Variants in MCC observed in about 807,000 individuals in gnomAD.
MCC encodes the protein colorectal mutant cancer protein.
A neutral mutation model predicts 116.2 loss-of-function variants in MCC; 90 were observed. The ratio of observed to expected loss-of-function variants is 0.77; its 90% confidence interval spans 0.65 to 0.92. The LOEUF (loss-of-function observed/expected upper bound fraction) is 0.92, where lower values mean the gene tolerates loss of function less well. Ranked by LOEUF, MCC falls within the 40% of genes least tolerant of loss-of-function variation. The probability of loss-of-function intolerance (pLI) is 0.00; values close to 1 mark genes in which losing one functional copy is unlikely to be tolerated. For missense variants in MCC, 1,516 were observed against 1,312.2 expected, an observed-to-expected ratio of 1.16 and a Z score of -2.40; for synonymous variants, 578 against 510.5, an observed-to-expected ratio of 1.13 and a Z score of -1.78.
intron 2 of MCC, among the ~76,000 whole-genome samples, chr5:113,360,534 C>T (rs1462896782): frequency 6.6e-6 from 1 of 152,172 alleles, no homozygotes; most frequent in African/African-American, 2.4e-5. Context: ...AGGTAGACGT[C>T]ACCAGTGAAG....
rs371117397 is a variant in MCC at position 113,488,440 on chromosome 5, G to A, written c.-26C>T. ...GCGCCCGCTCCCTACTTGGGAGGAG[G>A]AGTACGCGCGACCGCAGCTGGAATC... On this transcript the variant is annotated 5_prime_UTR_variant, in exon 1 of 19. Transcript: ENST00000408903. The A allele has an allele frequency of 2.4e-5, 34 of 1,392,206 alleles. No homozygotes were observed. The highest frequency in any genetic ancestry group is 2.9e-5 in the East Asian group (1 of 34,322). The allele number at this position is 1,392,206 out of a possible 1,614,324, so 86.2% of individuals were successfully genotyped here. A position where few individuals can be genotyped will look rare whatever the true frequency, so the allele number is the denominator to read the frequency against.
chr5:113,198,272 T>C (rs1359263964), intron 3 of MCC, among the ~76,000 whole-genome samples: 2 of 152,208 alleles, frequency 1.3e-5, no homozygotes, highest in African/African-American at 4.8e-5. Context: ...TTTGAGTCCT[T>C]CTTCCCCTAC....
At chr5:113,247,136 A>C (rs1191493921) in intron 3 of MCC, among the ~76,000 whole-genome samples, 1 of 152,236 alleles carries the variant, frequency 6.6e-6, no homozygotes, top group East Asian at 1.9e-4. Flanking sequence ...AGTAGTTTAC[A>C]CATATGGAGG....
chr5:113,261,706 T>A (rs558408133), intron 3 of MCC, among the ~76,000 whole-genome samples: 1 of 152,238 alleles, frequency 6.6e-6, no homozygotes, highest in South Asian at 2.1e-4. Flanking sequence ...ACATCCTATT[T>A]GACTACAATC....
intron 3 of MCC, among the ~76,000 whole-genome samples, chr5:113,315,449 A>T (rs1463826232): frequency 1.3e-5 from 2 of 152,228 alleles, no homozygotes; most frequent in African/African-American, 2.4e-5. Context: ...TGACAATTTT[A>T]AATAGTTCAA....
chr5:113,363,389 A>G (rs894913221), intron 2 of MCC, among the ~76,000 whole-genome samples: 2 of 152,364 alleles, frequency 1.3e-5, no homozygotes, highest in Non-Finnish European at 2.9e-5. Flanking sequence ...TGATGCCAGT[A>G]TCCACTTGGC....
intron 1 of MCC, among the ~76,000 whole-genome samples, chr5:113,389,202 G>T (rs973934100): frequency 1.3e-5 from 2 of 152,164 alleles, no homozygotes; most frequent in Non-Finnish European, 2.9e-5. Flanking sequence ...AACTTGAATC[G>T]CAGGGTATTT....
At chr5:113,098,157 A>G (rs1415163844) in intron 8 of MCC, among the ~76,000 whole-genome samples, 3 of 152,212 alleles carry the variant, frequency 2.0e-5, no homozygotes, top group South Asian at 4.1e-4. Context: ...TTGCTTTGCC[A>G]AACACATTGG....
intron 1 of MCC, among the ~76,000 whole-genome samples, chr5:113,441,529 T>C (rs1228461081): frequency 1.3e-5 from 2 of 152,150 alleles, no homozygotes; most frequent in East Asian, 3.9e-4. Flanking sequence ...TATACTCAAG[T>C]TCTGGGGTAC....
chr5:113,411,593 C>G (rs1769994281), intron 1 of MCC, among the ~76,000 whole-genome samples: 1 of 151,668 alleles, frequency 6.6e-6, no homozygotes, highest in African/African-American at 2.4e-5. Context: ...TTAACTCCAA[C>G]CACCTACAAT....
chr5:113,254,810 T>C (rs2150345459), intron 3 of MCC, among the ~76,000 whole-genome samples: 1 of 152,306 alleles, frequency 6.6e-6, no homozygotes, highest in South Asian at 2.1e-4. Context: ...TCTAAGAGTG[T>C]GAAAGACACT....
intron 1 of MCC, among the ~76,000 whole-genome samples, chr5:113,424,132 T>TACACAC (rs547192248): frequency 0.082 from 9,253 of 112,608 alleles, 596 homozygotes; most frequent in Non-Finnish European, 0.096. Context: ...AGTCATCCTC[T>TACACAC]ACACACACAC....
At chr5:113,261,384 T>C (rs1765214072) in intron 3 of MCC, among the ~76,000 whole-genome samples, 1 of 152,188 alleles carries the variant, frequency 6.6e-6, no homozygotes, top group African/African-American at 2.4e-5. Flanking sequence ...AAAATGCTCA[T>C]AATATAATGT....
intron 6 of MCC, among the ~76,000 whole-genome samples, chr5:113,110,420 AG>A (rs1757018871): frequency 6.6e-6 from 1 of 152,212 alleles, no homozygotes; most frequent in Non-Finnish European, 1.5e-5. Flanking sequence ...CGGTTTCACA[AG>A]GGAGACAAGG....
intron 1 of MCC, among the ~76,000 whole-genome samples, chr5:113,424,296 A>G (rs1387097117): frequency 6.6e-6 from 1 of 152,174 alleles, no homozygotes; most frequent in East Asian, 1.9e-4. Context: ...TTAAAAATAT[A>G]AAAAAGAACT....
intron 5 of MCC, among the ~76,000 whole-genome samples, chr5:113,134,555 C>CTTTTTTTTTTTTTTTTTTTTTTTTT: frequency 3.3e-5 from 1 of 30,126 alleles, no homozygotes. Context: ...GCTATTTGGG[C>CTTTTTTTTTTTTTTTTTTTTTTTTT]TTTTTTTTTT....
chr5:113,341,831 C>CCT (rs1554077641), intron 2 of MCC, among the ~76,000 whole-genome samples: 2 of 151,718 alleles, frequency 1.3e-5, no homozygotes, highest in Non-Finnish European at 2.9e-5. Context: ...GAAAAGAAAA[C>CCT]TTTTTTTTAC....
chr5:113,063,763 C>T (rs1000395611), intron 14 of MCC, among the ~76,000 whole-genome samples: 31 of 152,236 alleles, frequency 2.0e-4, no homozygotes, highest in Non-Finnish European at 1.3e-4. Context: ...TCTCCAATCT[C>T]GACTGCAGTT....
intron 3 of MCC, chr5:113,294,311 A>C: frequency 6.2e-7 from 1 of 1,613,378 alleles, no homozygotes; most frequent in Non-Finnish European, 8.5e-7. Context: ...CTAGCTCCCG[A>C]CCTCAGCTGT....
Sources: gnomAD v4.1 joint callset for allele counts (sites outside exome capture counted in the v4.1 genomes callset) on GRCh38, gnomAD v4.1.1 for gene constraint, MANE v1.5 for transcripts, NCBI Gene and HGNC (gene_info 2026-07-23, HGNC 2026-07-21) for gene names.